CNTRL: variants seen among roughly 807,000 people sequenced by gnomAD.
CNTRL encodes the protein 110 kDa centrosomal protein.
A neutral mutation model predicts 303.7 loss-of-function variants in CNTRL; 233 were observed. That is an observed-to-expected ratio of 0.77 (90% CI 0.69 to 0.86). The LOEUF is 0.86. Among genes scored for constraint, CNTRL ranks in the 40% least tolerant of loss-of-function variants. The pLI is 0.00. For synonymous variants in CNTRL, 900 were observed against 922.2 expected (o/e 0.98, Z 0.44); for missense variants, 2,524 against 2,650.6 (o/e 0.95, Z 1.05).
intron 14 of CNTRL, among the ~76,000 whole-genome samples, chr9:121,133,592 G>A (rs924077230): frequency 8.5e-5 from 13 of 152,204 alleles, no homozygotes; most frequent in Admixed American, 2.6e-4. Context: ...GAAATCCCCC[G>A]ACGCCTTGCA....
At chr9:121,115,598 T>C (rs1302350135) in intron 11 of CNTRL, among the ~76,000 whole-genome samples, 2 of 151,122 alleles carry the variant, frequency 1.3e-5, no homozygotes, top group Admixed American at 6.6e-5. Flanking sequence ...AAAAGAGATA[T>C]GTGGTATACA....
chr9:121,125,664 C>T, intron 13 of CNTRL, 52 bp from the exon 14 acceptor site: 3 of 1,449,164 alleles, frequency 2.1e-6, no homozygotes, highest in African/African-American at 1.4e-5. Context: ...GCTGAGCAGA[C>T]AATGCAGTAC....
intron 12 of CNTRL, chr9:121,122,368 T>G: frequency 1.0e-6 from 1 of 984,758 alleles, no homozygotes; most frequent in Non-Finnish European, 1.2e-6. Flanking sequence ...AACCTTCCAG[T>G]TAAGCTGCCA....
At chr9:121,094,560 T>C (rs1158077480) in intron 4 of CNTRL, among the ~76,000 whole-genome samples, 1 of 152,112 alleles carries the variant, frequency 6.6e-6, no homozygotes, top group Non-Finnish European at 1.5e-5. Flanking sequence ...CACTATCTTT[T>C]GGAAGAAAGG....
rs1238415089 is a variant in CNTRL at position 121,146,683 on chromosome 9, CT to C, written c.3459+428del. On this transcript the variant is annotated intron_variant, in intron 23 of 43. Transcript: ENST00000373855. ...CACAATGAATGGTAAAGCCCCTGCT[CT>C]CAAAGAGTTCATTGGCCATGCCAGC... Among the ~76,000 whole-genome samples the C allele has an allele frequency of 5.3e-5, 8 of 152,236 alleles. 1 individual carries two copies. The highest frequency in any genetic ancestry group is 5.9e-5 in the Non-Finnish European group (4 of 68,038).
intron 8 of CNTRL, among the ~76,000 whole-genome samples, chr9:121,108,338 C>G (rs2049579745): frequency 6.6e-6 from 1 of 152,162 alleles, no homozygotes; most frequent in Non-Finnish European, 1.5e-5. Context: ...TGGAATCCAT[C>G]TTTTATTACT....
At chr9:121,079,052 C>T (rs1383876365) in intron 1 of CNTRL, among the ~76,000 whole-genome samples, 2 of 152,144 alleles carry the variant, frequency 1.3e-5, no homozygotes, top group African/African-American at 2.4e-5. Context: ...TAGTGACCAG[C>T]CACGATCCTG....
In CNTRL at chr9:121,159,019, G is replaced by A. The variant is rs1172537107; in HGVS notation, c.4929G>A (p.Arg1643=). 2 of 1,613,078 alleles carry A rather than the reference G, an allele frequency of 1.2e-6. No homozygotes were observed. Among genetic ancestry groups the A allele is most frequent in the African/African-American group, 2.7e-5 (2 of 74,772 alleles). Residue 1643 remains arginine (R), a splice_region_variant and synonymous_variant, in exon 31 of 44, where the codon AGG becomes AGA. Coordinates refer to ENST00000373855, the MANE Select transcript of CNTRL (RefSeq NM_007018.6). ...TEVTEKCNHI[R]EVKSLLEELS... is the part of the protein sequence containing the mutation. ...TAACTGAGAAGTGCAATCACATTAGGGTGTGTTTTTTATTAGGGTTTTCTG... is the reference window on the plus strand; with the variant it reads ...TAACTGAGAAGTGCAATCACATTAGAGTGTGTTTTTTATTAGGGTTTTCTG...
rs760821533 is a variant in CNTRL at position 121,159,011 on chromosome 9, C to T, written c.4921C>T (p.His1641Tyr). ...GACTGAAGTAACTGAGAAGTGCAAT[C>T]ACATTAGGGTGTGTTTTTTATTAGG... ...GETEVTEKCN[H>Y]IREVKSLLEE... The change falls in exon 31 of 44, where the codon CAC becomes TAC. Residue 1641 changes from histidine (H) to tyrosine (Y), a missense_variant. Physicochemically the swap from His to Tyr is moderately conservative, Grantham distance 83 (BLOSUM62 2). Transcript: ENST00000373855. The T allele has an allele frequency of 1.9e-6, 3 of 1,613,892 alleles. 1 individual carries two copies. The South Asian group carries it at 3.3e-5, about 18-fold the overall frequency.
intron 21 of CNTRL, 74 bp downstream of exon 21, chr9:121,145,033 T>C (rs537699892): frequency 2.3e-6 from 3 of 1,327,548 alleles, no homozygotes; most frequent in Non-Finnish European, 3.2e-6. Context: ...TTACTGTAGG[T>C]GATGTCTCAA....
At chr9:121,157,645 G>T in intron 28 of CNTRL, 45 bp downstream of exon 28, 1 of 1,605,386 alleles carries the variant, frequency 6.2e-7, no homozygotes, top group South Asian at 1.1e-5. Context: ...TGAGATGAAT[G>T]AAAAGTTTGC....
chr9:121,114,268 A>ATGACAGACTT (rs1470699921), intron 10 of CNTRL, among the ~76,000 whole-genome samples: 2 of 152,202 alleles, frequency 1.3e-5, no homozygotes, highest in African/African-American at 2.4e-5. Flanking sequence ...GACCCTGCCA[A>ATGACAGACTT]TGACAGACTT....
chr9:121,094,051 A>C (rs2048779460), intron 4 of CNTRL, among the ~76,000 whole-genome samples: 1 of 152,082 alleles, frequency 6.6e-6, no homozygotes, highest in South Asian at 2.1e-4. Context: ...CAGAGGTTGC[A>C]GTGAGCCAAG....
intron 13 of CNTRL, among the ~76,000 whole-genome samples, chr9:121,124,766 C>T (rs1236626872): frequency 4.5e-5 from 6 of 132,656 alleles, no homozygotes; most frequent in African/African-American, 7.8e-5. Flanking sequence ...GGCGAAACCC[C>T]GTCTCTACAA....
At chr9:121,126,698 T>C (rs951067442) in intron 14 of CNTRL, among the ~76,000 whole-genome samples, 4 of 152,334 alleles carry the variant, frequency 2.6e-5, no homozygotes, top group African/African-American at 7.2e-5. Flanking sequence ...TCTTTTATTA[T>C]ATATGTAAAC....
At chr9:121,097,236 T>C (rs1167346806) in intron 6 of CNTRL, among the ~76,000 whole-genome samples, 2 of 152,152 alleles carry the variant, frequency 1.3e-5, no homozygotes, top group Admixed American at 1.3e-4. Context: ...TTGGGAAAAT[T>C]GTGCCATAAT....
At chr9:121,124,720 T>C (rs977068136) in intron 13 of CNTRL, among the ~76,000 whole-genome samples, 1 of 151,086 alleles carries the variant, frequency 6.6e-6, no homozygotes, top group Admixed American at 6.6e-5. Context: ...GGCATATCAT[T>C]TGAGCCCAGG....
At chr9:121,127,611 A>T (rs888056124) in intron 14 of CNTRL, among the ~76,000 whole-genome samples, 1 of 151,490 alleles carries the variant, frequency 6.6e-6, no homozygotes, top group Non-Finnish European at 1.5e-5. Flanking sequence ...ATTTTAACAC[A>T]TTTGCTTTAT....
At chr9:121,082,995 G>A (rs1157299725) in intron 2 of CNTRL, among the ~76,000 whole-genome samples, 2 of 137,472 alleles carry the variant, frequency 1.5e-5, no homozygotes, top group South Asian at 2.5e-4. Flanking sequence ...AATAGAAAAA[G>A]TACAATAAAA....
Sources: gnomAD v4.1 joint callset for allele counts (sites outside exome capture counted in the v4.1 genomes callset) on GRCh38, gnomAD v4.1.1 for gene constraint, MANE v1.5 for transcripts, NCBI Gene and HGNC (gene_info 2026-07-23, HGNC 2026-07-21) for gene names.